Variants in BEND7 observed in about 807,000 individuals in gnomAD.
BEND7 encodes the protein BEN domain-containing protein 7.
Under a neutral mutation model 50.9 loss-of-function variants are expected in BEND7, and 28 were observed. That is an observed-to-expected ratio of 0.55 (90% confidence interval 0.41 to 0.75). BEND7 has a LOEUF of 0.75. Ranked by LOEUF, BEND7 falls within the 30% of genes least tolerant of loss-of-function variation. BEND7 has a pLI of 0.00. For synonymous variants in BEND7, 170 were observed against 183.9 expected (o/e 0.92, Z 0.61); for missense variants, 477 against 491.3 (o/e 0.97, Z 0.28).
chr10:13,487,060 C>G (rs1268902827), intron 5 of BEND7, among the ~76,000 whole-genome samples: 4 of 152,218 alleles, frequency 2.6e-5, no homozygotes, highest in Non-Finnish European at 5.9e-5. Context: ...CCTTCATGTG[C>G]TCCTTCAAGG....
chr10:13,495,192 A>G (rs1391048803), intron 4 of BEND7, among the ~76,000 whole-genome samples: 1 of 152,236 alleles, frequency 6.6e-6, no homozygotes, highest in African/African-American at 2.4e-5. Flanking sequence ...TCCTCCTCGG[A>G]GAAAAGAATC....
intron 6 of BEND7, among the ~76,000 whole-genome samples, chr10:13,469,452 T>C (rs913488464): frequency 6.6e-6 from 1 of 152,180 alleles, no homozygotes; most frequent in Non-Finnish European, 1.5e-5. Context: ...GATTACAGCT[T>C]TCCGTTAATT....
chr10:13,514,091 T>TTCAAGG (rs2132518244), intron 2 of BEND7, among the ~76,000 whole-genome samples: 1 of 148 alleles, frequency 6.8e-3, no homozygotes, highest in Non-Finnish European at 0.019. Flanking sequence ...AGGTCTCAGT[T>TTCAAGG]TCATTTTCTC....
chr10:13,476,187 CAA>C (rs910915757), intron 6 of BEND7, among the ~76,000 whole-genome samples: 2 of 151,942 alleles, frequency 1.3e-5, no homozygotes, highest in African/African-American at 4.8e-5. Context: ...AAGAATAAAA[CAA>C]GAGGTTTTGG....
At position 13,452,593 on chromosome 10, in the gene BEND7, G is replaced by C; in HGVS notation, c.1129C>G (p.Gln377Glu). Residue 377 changes from glutamine (Q) to glutamate (E), a missense_variant, in exon 7 of 9, where the codon CAG (glutamine) becomes GAG (glutamate). By Grantham distance (29) the Gln-to-Glu change is conservative. Coordinates refer to ENST00000466271, the MANE Select transcript of BEND7 (RefSeq NM_001369863.1). ...AGTTTAATTTGATCCTGTAGAATCT[G>C]TACCCAATCTCTTGGGCCAGGAAGC... Reference protein sequence around the residue: ...DKLPGPRDWVQILQDQIKLAR... With the variant: ...DKLPGPRDWVEILQDQIKLAR... 6.2e-7 allele frequency: 1 copy of C among 1,613,428 alleles called. No individual in the cohort carries two copies. The highest frequency in any genetic ancestry group is 8.5e-7 in the Non-Finnish European group (1 of 1,179,564).
intron 6 of BEND7, among the ~76,000 whole-genome samples, chr10:13,470,574 C>T (rs966958798): frequency 6.6e-6 from 1 of 152,194 alleles, no homozygotes; most frequent in Non-Finnish European, 1.5e-5. Flanking sequence ...CCCTTCTTAA[C>T]AAGTTTCTCC....
chr10:13,458,958 A>C (rs1303607104), intron 6 of BEND7, among the ~76,000 whole-genome samples: 1 of 152,248 alleles, frequency 6.6e-6, no homozygotes, highest in Non-Finnish European at 1.5e-5. Context: ...CAGCAGGGTT[A>C]GGTATTGTGA....
intron 6 of BEND7, among the ~76,000 whole-genome samples, chr10:13,458,280 G>A (rs1839466003): frequency 6.6e-6 from 1 of 152,234 alleles, no homozygotes; most frequent in South Asian, 2.1e-4. Context: ...ATCAAGTGAA[G>A]GCGGCAGCGC....
chr10:13,496,640 G>A, intron 4 of BEND7, 126 bp downstream of exon 4: 1 of 1,168,756 alleles, frequency 8.6e-7, no homozygotes, highest in East Asian at 2.6e-5. Context: ...ACAGATACTT[G>A]AAAAGGCACA....
intron 5 of BEND7, among the ~76,000 whole-genome samples, chr10:13,490,061 G>A (rs1372694272): frequency 2.0e-5 from 3 of 152,132 alleles, no homozygotes. Flanking sequence ...TCTGAGTAGG[G>A]ACTATTGTTA....
chr10:13,506,827 T>G (rs7073791), intron 2 of BEND7, among the ~76,000 whole-genome samples: 119,390 of 151,850 alleles, frequency 0.79, 47,139 homozygotes, highest in Non-Finnish European at 0.81. Flanking sequence ...CTGGATTTGC[T>G]GGGGGTGGAG....
chr10:13,508,628 G>A (rs2078064162), intron 2 of BEND7, among the ~76,000 whole-genome samples: 1 of 152,152 alleles, frequency 6.6e-6, no homozygotes, highest in African/African-American at 2.4e-5. Context: ...TAATTAAGCA[G>A]CCCAATGTAT....
At chr10:13,470,873 C>T (rs765566354) in intron 6 of BEND7, among the ~76,000 whole-genome samples, 20 of 152,180 alleles carry the variant, frequency 1.3e-4, no homozygotes, top group Non-Finnish European at 2.1e-4. Flanking sequence ...TTAAGGTAAA[C>T]AAGTTGCTGA....
intron 6 of BEND7, among the ~76,000 whole-genome samples, chr10:13,478,845 A>G (rs1161813579): frequency 2.0e-5 from 3 of 152,148 alleles, no homozygotes; most frequent in Non-Finnish European, 4.4e-5. Context: ...TTATTACAGA[A>G]TTTTAATAGA....
At chr10:13,496,948 A>G in intron 3 of BEND7, 60 bp from the exon 4 acceptor site, 1 of 1,303,662 alleles carries the variant, frequency 7.7e-7, no homozygotes, top group Non-Finnish European at 1.0e-6. Flanking sequence ...AAAAAAAATC[A>G]TAAAGAGGTG....
rs903067826 is a variant in BEND7, at chr10:13,441,335, G to A, written c.*408C>T. 8 of 1,009,752 alleles carry A rather than the reference G, an allele frequency of 7.9e-6. No homozygotes were observed. In the African/African-American group the frequency reaches 1.4e-4, roughly 17 times the overall value. 62.5% of individuals were successfully genotyped at this position (1,009,752 alleles called of 1,614,324 possible). A position where few individuals can be genotyped will look rare whatever the true frequency, so the allele number is the denominator to read the frequency against. ...TAAGAAAGCCTATAAAAAGGTTTCT[G>A]AATAAAGACTGAACAGTAGTCACAG... is the stretch of plus-strand genomic sequence containing the variant. On this transcript the variant is annotated 3_prime_UTR_variant, in exon 9 of 9. Coordinates refer to ENST00000466271, the MANE Select transcript of BEND7 (RefSeq NM_001369863.1).
downstream of BEND7, chr10:13,438,614 G>A (rs1835022060): frequency 6.5e-6 from 1 of 153,230 alleles, no homozygotes. Flanking sequence ...CATAATAGGA[G>A]TTGATCTGTG....
At chr10:13,471,913 C>T (rs2074873242) in intron 6 of BEND7, among the ~76,000 whole-genome samples, 1 of 152,206 alleles carries the variant, frequency 6.6e-6, no homozygotes, top group African/African-American at 2.4e-5. Context: ...GAGGCCGATA[C>T]CCGTCATCAC....
intron 2 of BEND7, among the ~76,000 whole-genome samples, chr10:13,502,378 C>T (rs879925952): frequency 6.6e-6 from 1 of 152,058 alleles, no homozygotes; most frequent in Non-Finnish European, 1.5e-5. Flanking sequence ...GTGTTGTTGG[C>T]ATATGCTTGA....
Sources: allele counts gnomAD v4.1 joint callset (sites outside exome capture counted in the v4.1 genomes callset), GRCh38; gene constraint gnomAD v4.1.1; transcripts MANE v1.5; gene names NCBI Gene and HGNC (gene_info 2026-07-23, HGNC 2026-07-21).